Variants in CSMD1 observed in about 807,000 individuals in gnomAD.
CSMD1 encodes CUB and Sushi multiple domains 1, also known as CUB and sushi domain-containing protein 1.
CSMD1 carries 213 observed loss-of-function variants against 417.5 expected under a neutral mutation model. The observed-to-expected ratio is 0.51, with a 90% CI of 0.46 to 0.57. The LOEUF (loss-of-function observed/expected upper bound fraction) is 0.57. Ranked by LOEUF, CSMD1 falls within the 20% of genes least tolerant of loss-of-function variation. The pLI is 0.00. For missense variants in CSMD1, 6,923 were observed against 4,529.7 expected, an observed-to-expected ratio of 1.53 and a Z score of -15.17; for synonymous variants, 2,862 against 1,736.8, an observed-to-expected ratio of 1.65 and a Z score of -16.11.
intron 2 of CSMD1, among the ~76,000 whole-genome samples, chr8:4,425,486 A>C (rs184887502): frequency 3.9e-4 from 59 of 152,184 alleles, no homozygotes; most frequent in African/African-American, 1.3e-3. Context: ...TTTGTGATTA[A>C]ATGTTTATAG....
chr8:3,755,353 G>A (rs922528276), intron 5 of CSMD1, among the ~76,000 whole-genome samples: 1 of 152,226 alleles, frequency 6.6e-6, no homozygotes, highest in Non-Finnish European at 1.5e-5. Context: ...AGATGCACAT[G>A]TAAATGTACC....
chr8:4,048,598 A>C (rs1315032922), intron 3 of CSMD1, among the ~76,000 whole-genome samples: 2 of 152,252 alleles, frequency 1.3e-5, no homozygotes, highest in Non-Finnish European at 2.9e-5. Context: ...GTTTGTATAC[A>C]AACAGCACAC....
At chr8:3,002,438 G>A (rs1807490593) in intron 52 of CSMD1, among the ~76,000 whole-genome samples, 3 of 152,144 alleles carry the variant, frequency 2.0e-5, no homozygotes, top group South Asian at 2.1e-4. Flanking sequence ...TTTCTGAGGC[G>A]AGGCATAGAA....
intron 3 of CSMD1, among the ~76,000 whole-genome samples, chr8:4,165,657 C>A (rs1237661076): frequency 6.6e-6 from 1 of 152,152 alleles, no homozygotes. Flanking sequence ...TGAACCTTGG[C>A]CTCCCAAAGT....
intron 1 of CSMD1, among the ~76,000 whole-genome samples, chr8:4,747,756 G>A (rs1057513428): frequency 2.0e-5 from 3 of 152,180 alleles, no homozygotes; most frequent in Middle Eastern, 3.4e-3. Flanking sequence ...CAAGCACATC[G>A]AATACTGTGT....
At chr8:4,333,204 C>G (rs1229113249) in intron 3 of CSMD1, among the ~76,000 whole-genome samples, 1 of 152,132 alleles carries the variant, frequency 6.6e-6, no homozygotes, top group Non-Finnish European at 1.5e-5. Context: ...ACTCACAGTT[C>G]TGAACAAAAC....
chr8:3,810,501 G>A (rs775511714), intron 5 of CSMD1, among the ~76,000 whole-genome samples: 1 of 152,110 alleles, frequency 6.6e-6, no homozygotes, highest in Admixed American at 6.5e-5. Flanking sequence ...CCTGGGGCTG[G>A]TCATGGAAGA....
At chr8:4,604,532 T>C (rs1240031197) in intron 2 of CSMD1, among the ~76,000 whole-genome samples, 1 of 152,070 alleles carries the variant, frequency 6.6e-6, no homozygotes, top group Non-Finnish European at 1.5e-5. Flanking sequence ...AAAATAGCTA[T>C]CAATAAATGA....
At chr8:4,492,271 G>C (rs1801743402) in intron 2 of CSMD1, among the ~76,000 whole-genome samples, 1 of 152,014 alleles carries the variant, frequency 6.6e-6, no homozygotes, top group Non-Finnish European at 1.5e-5. Context: ...TTAATGTTTT[G>C]TCTACACGGG....
chr8:3,424,876 G>A (rs927713702), intron 12 of CSMD1, among the ~76,000 whole-genome samples: 1 of 152,162 alleles, frequency 6.6e-6, no homozygotes, highest in South Asian at 2.1e-4. Flanking sequence ...GTCTTACTCT[G>A]TTTTCCAGGC....
At chr8:4,562,212 T>G (rs1281982114) in intron 2 of CSMD1, among the ~76,000 whole-genome samples, 1 of 152,028 alleles carries the variant, frequency 6.6e-6, no homozygotes, top group Non-Finnish European at 1.5e-5. Flanking sequence ...TTGAGCCAAG[T>G]CCTGGAAGAA....
intron 3 of CSMD1, among the ~76,000 whole-genome samples, chr8:4,242,108 C>T (rs566967580): frequency 6.6e-6 from 1 of 152,212 alleles, no homozygotes; most frequent in African/African-American, 2.4e-5. Context: ...CATGAATTCT[C>T]AGAATGCTCT....
intron 3 of CSMD1, among the ~76,000 whole-genome samples, chr8:4,041,842 T>A (rs978330734): frequency 6.6e-6 from 1 of 151,946 alleles, no homozygotes; most frequent in African/African-American, 2.4e-5. Context: ...AGATTGAACA[T>A]CTAGAGTTAA....
rs1211424271 is a variant in CSMD1, at chr8:4,140,299, C to G, written c.416-108200G>C. Among the ~76,000 whole-genome samples, 2 of 150,848 alleles carry G rather than the reference C, an allele frequency of 1.3e-5. 1 individual carries two copies. Among genetic ancestry groups the G allele is most frequent in the African/African-American group, 5.0e-5 (2 of 40,242 alleles). ...ATCACTTGAGGTCAGGAGTTTGAGACCAGCCTGACAAACATGGTGAAATCC... is the reference window on the plus strand; with the variant it reads ...ATCACTTGAGGTCAGGAGTTTGAGAGCAGCCTGACAAACATGGTGAAATCC... On this transcript the variant is annotated intron_variant, in intron 3 of 69. Transcript: ENST00000635120.
intron 10 of CSMD1, among the ~76,000 whole-genome samples, chr8:3,512,582 G>C (rs891909725): frequency 1.3e-5 from 2 of 150,276 alleles, no homozygotes; most frequent in Non-Finnish European, 2.9e-5. Context: ...TCCTCCAGGA[G>C]CTTACTTTAA....
rs545728332 is a variant in CSMD1, at chr8:2,974,438, G to C, written c.8740+13C>G. On this transcript the variant is annotated intron_variant, in intron 56 of 69. Transcript: ENST00000635120. ...AATCTGTAATTCTGTCAGTTCACTC[G>C]TAAGCCCCTCACCTGTGCAGTGGGG... The C allele has an allele frequency of 4.6e-6, 7 of 1,535,106 alleles. No individual in the cohort carries two copies. Among genetic ancestry groups the C allele is most frequent in the Non-Finnish European group, 5.3e-6 (6 of 1,135,894 alleles).
At chr8:3,259,241 A>T (rs989020432) in intron 26 of CSMD1, among the ~76,000 whole-genome samples, 1 of 152,236 alleles carries the variant, frequency 6.6e-6, no homozygotes, top group Admixed American at 6.5e-5. Flanking sequence ...TAAAATTAAT[A>T]ACCTGATTAC....
intron 20 of CSMD1, among the ~76,000 whole-genome samples, chr8:3,364,168 A>C (rs191937670): frequency 5.3e-4 from 81 of 151,962 alleles, no homozygotes; most frequent in Non-Finnish European, 1.0e-3. Flanking sequence ...TAAAAAAAAA[A>C]CTCCATGGTA....
chr8:4,220,843 AG>A (rs1318114615), intron 3 of CSMD1, among the ~76,000 whole-genome samples: 1 of 152,208 alleles, frequency 6.6e-6, no homozygotes, highest in Non-Finnish European at 1.5e-5. Context: ...GAGAACTACA[AG>A]AGGAAAAGTA....
Sources: gnomAD v4.1 joint callset for allele counts (sites outside exome capture counted in the v4.1 genomes callset) on GRCh38, gnomAD v4.1.1 for gene constraint, MANE v1.5 for transcripts, NCBI Gene and HGNC (gene_info 2026-07-23, HGNC 2026-07-21) for gene names.